PPP3CA: variants seen among roughly 807,000 people sequenced by gnomAD.
PPP3CA encodes the protein CAM-PRP catalytic subunit.
PPP3CA carries 14 observed loss-of-function variants against 66.5 expected under a neutral mutation model. That is an observed-to-expected ratio of 0.21 (90% CI 0.14 to 0.33). The LOEUF (loss-of-function observed/expected upper bound fraction) is 0.33. Ranked by LOEUF, PPP3CA falls within the 10% of genes least tolerant of loss-of-function variation. The pLI is 1.00. For synonymous variants in PPP3CA, 232 were observed against 226.2 expected (o/e 1.03, Z -0.23); for missense variants, 317 against 639.5 (o/e 0.50, Z 5.44).
rs1578536707 is a variant in PPP3CA, at chr4:101,190,147, T to C, written c.259+5769A>G. ...TACCTAAGAAAATATTCCTTCCTTA[T>C]CTGGAGGCATTTCAGTATTACCTGA... is the stretch of plus-strand genomic sequence containing the variant. On this transcript the variant is annotated intron_variant, in intron 2 of 13. Coordinates refer to ENST00000394854, the MANE Select transcript of PPP3CA (RefSeq NM_000944.5). Among the ~76,000 whole-genome samples the C allele has an allele frequency of 2.0e-5, 3 of 152,100 alleles. No homozygotes were observed. In the South Asian group the frequency reaches 6.2e-4, roughly 31 times the overall value.
intron 3 of PPP3CA, among the ~76,000 whole-genome samples, chr4:101,101,986 T>A (rs1730463805): frequency 6.6e-6 from 1 of 152,198 alleles, no homozygotes; most frequent in African/African-American, 2.4e-5. Flanking sequence ...AAGACCTTTT[T>A]CTGACATTAG....
At chr4:101,331,958 AAAT>A (rs1729401210) in intron 1 of PPP3CA, among the ~76,000 whole-genome samples, 1 of 152,184 alleles carries the variant, frequency 6.6e-6, no homozygotes, top group Admixed American at 6.6e-5. Context: ...CGTTTTAGAA[AAAT>A]AATCCTAGTG....
intron 1 of PPP3CA, among the ~76,000 whole-genome samples, chr4:101,221,607 G>C (rs1405962963): frequency 6.6e-6 from 1 of 151,404 alleles, no homozygotes; most frequent in Non-Finnish European, 1.5e-5. Context: ...TATATAAGAA[G>C]AAATTATTCT....
chr4:101,201,214 C>A (rs1001199917), intron 1 of PPP3CA, among the ~76,000 whole-genome samples: 1 of 152,256 alleles, frequency 6.6e-6, no homozygotes, highest in Non-Finnish European at 1.5e-5. Context: ...TTTTACTGGA[C>A]AGTGGTATTC....
At chr4:101,072,654 T>C (rs1235403444) in intron 8 of PPP3CA, among the ~76,000 whole-genome samples, 1 of 152,156 alleles carries the variant, frequency 6.6e-6, no homozygotes, top group Non-Finnish European at 1.5e-5. Flanking sequence ...AGGAACAAAG[T>C]GAACAGCATA....
chr4:101,102,727 C>A (rs1485580123), intron 3 of PPP3CA, among the ~76,000 whole-genome samples: 1 of 152,126 alleles, frequency 6.6e-6, no homozygotes, highest in African/African-American at 2.4e-5. Context: ...AAAAAAATCA[C>A]AATCAATGAA....
At chr4:101,312,010 C>T (rs965639101) in intron 1 of PPP3CA, among the ~76,000 whole-genome samples, 1 of 152,146 alleles carries the variant, frequency 6.6e-6, no homozygotes, top group African/African-American at 2.4e-5. Context: ...AAAAACTAAA[C>T]TAATGATAAT....
At chr4:101,278,555 TA>T (rs1408038610) in intron 1 of PPP3CA, among the ~76,000 whole-genome samples, 14 of 152,192 alleles carry the variant, frequency 9.2e-5, no homozygotes. Context: ...AGACTGCGGA[TA>T]CCACAGAGGT....
chr4:101,224,409 T>C (rs935744133), intron 1 of PPP3CA, among the ~76,000 whole-genome samples: 1 of 151,878 alleles, frequency 6.6e-6, no homozygotes, highest in Non-Finnish European at 1.5e-5. Context: ...CCTTCTTCTC[T>C]GCATTTCTTA....
At chr4:101,148,474 G>A (rs2110296631) in intron 2 of PPP3CA, among the ~76,000 whole-genome samples, 1 of 152,208 alleles carries the variant, frequency 6.6e-6, no homozygotes, top group Middle Eastern at 3.4e-3. Context: ...TAGATGCCAT[G>A]AAAAGAAACA....
At chr4:101,091,024 T>C (rs979003330) in intron 6 of PPP3CA, among the ~76,000 whole-genome samples, 5 of 152,010 alleles carry the variant, frequency 3.3e-5, no homozygotes, top group African/African-American at 7.2e-5. Context: ...CATAATATTA[T>C]ATAAGTTCAG....
At chr4:101,301,896 AT>A (rs1728389538) in intron 1 of PPP3CA, among the ~76,000 whole-genome samples, 1 of 151,226 alleles carries the variant, frequency 6.6e-6, no homozygotes, top group African/African-American at 2.4e-5. Context: ...AAAATAAAAT[AT>A]GCAAATAAGT....
At chr4:101,088,169 A>G (rs1420588455) in intron 6 of PPP3CA, among the ~76,000 whole-genome samples, 1 of 152,024 alleles carries the variant, frequency 6.6e-6, no homozygotes, top group Non-Finnish European at 1.5e-5. Context: ...CGTGTGTGTA[A>G]TAGCCTGCAC....
At chr4:101,057,778 C>G (rs985396828) in intron 10 of PPP3CA, among the ~76,000 whole-genome samples, 3 of 152,120 alleles carry the variant, frequency 2.0e-5, no homozygotes, top group Admixed American at 6.6e-5. Flanking sequence ...CAATGCCTCT[C>G]CTTGTTGAAT....
At chr4:101,085,857 CAGAG>C (rs1553923935) in intron 6 of PPP3CA, among the ~76,000 whole-genome samples, 63 of 110,594 alleles carry the variant, frequency 5.7e-4, no homozygotes, top group Middle Eastern at 8.7e-3. Flanking sequence ...CACACACACA[CAGAG>C]AGAGAGAGAG....
chr4:101,238,637 A>C (rs952994602), intron 1 of PPP3CA, among the ~76,000 whole-genome samples: 2 of 152,114 alleles, frequency 1.3e-5, no homozygotes, highest in Non-Finnish European at 2.9e-5. Context: ...TTAAAAGTGC[A>C]TATCTTAAAG....
At chr4:101,079,379 C>CT (rs1016993243) in intron 8 of PPP3CA, among the ~76,000 whole-genome samples, 4,453 of 138,518 alleles carry the variant, frequency 0.032, 161 homozygotes, top group East Asian at 0.21. Context: ...TTCCATTTCT[C>CT]TTTTTTTTTT....
intron 1 of PPP3CA, among the ~76,000 whole-genome samples, chr4:101,221,219 A>G (rs1578566626): frequency 6.6e-6 from 1 of 151,620 alleles, no homozygotes; most frequent in African/African-American, 2.4e-5. Context: ...TGTGATAGAA[A>G]GAGTAACAGA....
Position 101,023,575 on chromosome 4 carries a change from A to G in PPP3CA, c.*2290T>C, listed in dbSNP as rs1357556688. 6.6e-6 allele frequency: 1 copy of G among 152,452 alleles called. No individual in the cohort carries two copies. Among genetic ancestry groups the G allele is most frequent in the Non-Finnish European group, 1.5e-5 (1 of 68,040 alleles). The allele number at this position is 152,452 out of a possible 1,614,324, so 9.4% of individuals were successfully genotyped here. A position where few individuals can be genotyped will look rare whatever the true frequency, so the allele number is the denominator to read the frequency against. ...AAGAAAATAAACACCATGATACCAGAATCACCATTTCTTTCACATCATCAC... is the reference window on the plus strand; with the variant it reads ...AAGAAAATAAACACCATGATACCAGGATCACCATTTCTTTCACATCATCAC... On this transcript the variant is annotated 3_prime_UTR_variant, in exon 14 of 14. Coordinates refer to ENST00000394854, the MANE Select transcript of PPP3CA (RefSeq NM_000944.5).
Sources: gnomAD v4.1 joint callset for allele counts (sites outside exome capture counted in the v4.1 genomes callset) on GRCh38, gnomAD v4.1.1 for gene constraint, MANE v1.5 for transcripts, NCBI Gene and HGNC (gene_info 2026-07-23, HGNC 2026-07-21) for gene names.